MTA3: variants seen among roughly 807,000 people sequenced by gnomAD.
MTA3 encodes metastasis associated 1 family member 3, also known as metastasis-associated protein MTA3.
Under a neutral mutation model 83.5 loss-of-function variants are expected in MTA3, and 34 were observed. The ratio of observed to expected loss-of-function variants is 0.41; its 90% CI spans 0.31 to 0.54. MTA3 has a LOEUF of 0.54. MTA3 is among the 20% of genes least tolerant of loss of function. The pLI, the probability that MTA3 is intolerant of heterozygous loss-of-function variation, is 0.33. For missense variants in MTA3, 761 were observed against 726.4 expected (o/e 1.05, Z -0.55); for synonymous variants, 303 against 252.7 (o/e 1.20, Z -1.89).
chr2:42,695,634 C>CA (rs70963347), intron 9 of MTA3, 131 bp from the exon 10 acceptor site: 36,421 of 130,248 alleles, frequency 0.28, 10,042 homozygotes, highest in African/African-American at 0.62. Context: ...CAGTCTATCT[C>CA]AAAAAAAAAA....
At chr2:42,598,041 G>A (rs971653069) in intron 3 of MTA3, among the ~76,000 whole-genome samples, 2 of 150,678 alleles carry the variant, frequency 1.3e-5, no homozygotes, top group African/African-American at 2.4e-5. Context: ...ACTGAATTCC[G>A]GATCTTTTTG....
chr2:42,684,464 A>T (rs974487544), intron 9 of MTA3, among the ~76,000 whole-genome samples: 1 of 152,232 alleles, frequency 6.6e-6, no homozygotes, highest in Non-Finnish European at 1.5e-5. Context: ...AAATTGTTAC[A>T]TGCCATGATT....
intron 8 of MTA3, among the ~76,000 whole-genome samples, chr2:42,662,009 T>G (rs1689768960): frequency 6.6e-6 from 1 of 152,204 alleles, no homozygotes. Flanking sequence ...TTATTTATTA[T>G]TCCAAAACAA....
At chr2:42,752,347 T>A in intron 16 of MTA3, 1 of 464,700 alleles carries the variant, frequency 2.2e-6, no homozygotes, top group Non-Finnish European at 4.5e-6. Context: ...CAGGGTGATG[T>A]GCCTGGGGCA....
At chr2:42,520,462 C>T (rs1675373613) in intron 2 of MTA3, among the ~76,000 whole-genome samples, 2 of 152,132 alleles carry the variant, frequency 1.3e-5, no homozygotes. Flanking sequence ...CATAAGAGAG[C>T]AGTGGGGTGT....
At chr2:42,693,623 C>T (rs115321652) in intron 9 of MTA3, among the ~76,000 whole-genome samples, 3,912 of 151,476 alleles carry the variant, frequency 0.026, 72 homozygotes, top group Non-Finnish European at 0.037. Context: ...GAATGCTGTC[C>T]GGCCTGGGAT....
intron 4 of MTA3, among the ~76,000 whole-genome samples, chr2:42,629,861 C>G (rs1686501577): frequency 1.3e-5 from 2 of 152,078 alleles, no homozygotes; most frequent in African/African-American, 4.8e-5. Context: ...TCTCTGCAAC[C>G]TCTGCCTCCC....
intron 8 of MTA3, among the ~76,000 whole-genome samples, chr2:42,680,874 T>G (rs1691827776): frequency 6.6e-6 from 1 of 151,838 alleles, no homozygotes; most frequent in South Asian, 2.1e-4. Flanking sequence ...CATCTCAGAC[T>G]CCTGAGTAGC....
chr2:42,670,452 A>G (rs1013217535), intron 8 of MTA3, among the ~76,000 whole-genome samples: 3 of 152,162 alleles, frequency 2.0e-5, no homozygotes, highest in Non-Finnish European at 4.4e-5. Flanking sequence ...CATTTATTCT[A>G]TCTATAAAGT....
intron 2 of MTA3, among the ~76,000 whole-genome samples, chr2:42,503,944 A>G (rs554087819): frequency 5.5e-4 from 59 of 108,204 alleles, no homozygotes; most frequent in Non-Finnish European, 8.1e-4. Context: ...TTTTTTTGAG[A>G]TGGAGTTTCC....
At position 42,709,067 on chromosome 2, in the gene MTA3, C is replaced by A; in HGVS notation, c.1496C>A (p.Ala499Asp). 1 of 1,609,886 alleles carries A rather than the reference C, an allele frequency of 6.2e-7. No individual in the cohort carries two copies. Among genetic ancestry groups the A allele is most frequent in the Non-Finnish European group, 8.5e-7 (1 of 1,177,862 alleles). ...LRQAARRPFV[A>D]INYAAIRAEY... ...CAGGCAGCAAGACGGCCGTTTGTTG[C>A]TATTAATTATGCTGCCATTAGGGCA... The change falls in exon 14 of 17, where the codon GCT becomes GAT. Residue 499 changes from alanine to aspartate, a missense_variant. Coordinates refer to ENST00000405094, the MANE Select transcript of MTA3 (RefSeq NM_001330442.2).
intron 12 of MTA3, 28 bp from the exon 13 acceptor site, chr2:42,707,875 G>C: frequency 6.7e-7 from 1 of 1,485,080 alleles, no homozygotes; most frequent in South Asian, 1.4e-5. Flanking sequence ...AGCATTTTTC[G>C]TTTTTTCTTA....
chr2:42,588,882 T>C (rs769732048), intron 3 of MTA3, among the ~76,000 whole-genome samples: 20 of 152,020 alleles, frequency 1.3e-4, no homozygotes, highest in Non-Finnish European at 2.6e-4. Flanking sequence ...AAGGAACTGG[T>C]TTACATAATT....
intron 4 of MTA3, among the ~76,000 whole-genome samples, chr2:42,620,083 A>G (rs1001721701): frequency 5.3e-5 from 8 of 151,714 alleles, no homozygotes; most frequent in Admixed American, 3.3e-4. Context: ...AGTGTTTGCA[A>G]CCATCACCTC....
intron 11 of MTA3, 134 bp downstream of exon 11, chr2:42,697,968 T>C: frequency 1.7e-6 from 1 of 585,160 alleles, no homozygotes; most frequent in Non-Finnish European, 2.9e-6. Context: ...TGAGACTTAC[T>C]ATTATACCAC....
chr2:42,577,086 C>T, intron 2 of MTA3, among the ~76,000 whole-genome samples: 1 of 10,432 alleles, frequency 9.6e-5, no homozygotes, highest in Non-Finnish European at 1.8e-4. Context: ...GAATGGTACT[C>T]CATCTAAAAA....
At chr2:42,524,824 AT>A (rs1168402972) in intron 2 of MTA3, among the ~76,000 whole-genome samples, 2 of 138,426 alleles carry the variant, frequency 1.4e-5, no homozygotes, top group Non-Finnish European at 3.1e-5. Flanking sequence ...CCTATCTAGC[AT>A]CCAAAAAAAA....
intron 16 of MTA3, among the ~76,000 whole-genome samples, chr2:42,741,892 C>G (rs1669062120): frequency 6.6e-6 from 1 of 152,086 alleles, no homozygotes; most frequent in Non-Finnish European, 1.5e-5. Flanking sequence ...TGAGCACGTG[C>G]TGCTGGAAAA....
At chr2:42,746,391 A>G (rs1018805785) in intron 16 of MTA3, among the ~76,000 whole-genome samples, 1 of 152,330 alleles carries the variant, frequency 6.6e-6, no homozygotes, top group East Asian at 1.9e-4. Flanking sequence ...CAATCGACAC[A>G]GAAGACTTCT....
Sources: gnomAD v4.1 joint callset for allele counts (sites outside exome capture counted in the v4.1 genomes callset) on GRCh38, gnomAD v4.1.1 for gene constraint, MANE v1.5 for transcripts, NCBI Gene and HGNC (gene_info 2026-07-23, HGNC 2026-07-21) for gene names.